RNF115: variants seen among roughly 807,000 people sequenced by gnomAD.
RNF115 encodes the protein E3 ubiquitin-protein ligase RNF115.
RNF115 carries 31 observed loss-of-function variants against 39.2 expected under a neutral mutation model. That is an observed-to-expected ratio of 0.79 (90% confidence interval 0.59 to 1.07). RNF115 has a LOEUF of 1.07. Ranked by LOEUF, RNF115 falls within the 50% of genes least tolerant of loss-of-function variation. RNF115 has a pLI of 0.00. For synonymous variants in RNF115, 124 were observed against 131.0 expected (o/e 0.95, Z 0.37); for missense variants, 384 against 381.7 (o/e 1.01, Z -0.05).
At chr1:145,819,595 C>G (rs1245716559) in intron 1 of RNF115, among the ~76,000 whole-genome samples, 1 of 152,210 alleles carries the variant, frequency 6.6e-6, no homozygotes, top group Non-Finnish European at 1.5e-5. Flanking sequence ...GGACTCTTCC[C>G]TAACCCATTC....
chr1:145,756,267 C>T (rs773977383), intron 4 of RNF115, among the ~76,000 whole-genome samples: 1 of 152,062 alleles, frequency 6.6e-6, no homozygotes, highest in African/African-American at 2.4e-5. Flanking sequence ...TTGAGACCAG[C>T]CTGGCCAACA....
intron 3 of RNF115, among the ~76,000 whole-genome samples, chr1:145,782,151 T>C (rs1176767700): frequency 6.6e-6 from 1 of 152,056 alleles, no homozygotes; most frequent in Non-Finnish European, 1.5e-5. Flanking sequence ...GTGATCCACC[T>C]GCCTCGGCCT....
intron 1 of RNF115, among the ~76,000 whole-genome samples, chr1:145,816,045 G>T: frequency 9.3e-6 from 1 of 107,186 alleles, no homozygotes; most frequent in Non-Finnish European, 1.9e-5. Context: ...CTTTCCAAAT[G>T]AACCTTTTGT....
In RNF115 at chr1:145,751,639, G is replaced by C. The variant is rs781845806; in HGVS notation, c.501-129C>G. 3.6e-5 allele frequency: 20 copies of C among 549,136 alleles called. No individual in the cohort carries two copies. The East Asian group carries it at 6.2e-4, about 17-fold the overall frequency. 34.0% of individuals were successfully genotyped at this position (549,136 alleles called of 1,614,324 possible). A position where few individuals can be genotyped will look rare whatever the true frequency, so the allele number is the denominator to read the frequency against. On this transcript the variant is annotated intron_variant, in intron 5 of 8. Coordinates refer to ENST00000582693, the MANE Select transcript of RNF115 (RefSeq NM_014455.4). ...AAAGTCACTAGTCCTCCAGGATCAA[G>C]AGGCAAAGAATTCTGTACATTTTCA...
chr1:145,807,464 A>C (rs1649511407), intron 1 of RNF115, among the ~76,000 whole-genome samples: 1 of 152,236 alleles, frequency 6.6e-6, no homozygotes, highest in African/African-American at 2.4e-5. Flanking sequence ...AGAGAATAAT[A>C]AACCAACAAT....
At chr1:145,751,090 T>C (rs1397121395) in intron 6 of RNF115, among the ~76,000 whole-genome samples, 3 of 152,252 alleles carry the variant, frequency 2.0e-5, no homozygotes, top group African/African-American at 7.2e-5. Flanking sequence ...CAGAAATCCC[T>C]GCTTCAACAT....
intron 2 of RNF115, 127 bp from the exon 3 acceptor site, chr1:145,784,723 C>T: frequency 1.5e-6 from 1 of 686,698 alleles, no homozygotes; most frequent in Middle Eastern, 2.5e-4. Context: ...CAACACAACA[C>T]CTATTAAAGG....
intron 1 of RNF115, among the ~76,000 whole-genome samples, chr1:145,791,301 C>T (rs1648655024): frequency 6.7e-6 from 1 of 149,784 alleles, no homozygotes; most frequent in Admixed American, 6.7e-5. Flanking sequence ...CACCTGAGGT[C>T]GGGAATTCGA....
chr1:145,809,519 A>T, intron 1 of RNF115, among the ~76,000 whole-genome samples: 1 of 37,238 alleles, frequency 2.7e-5, no homozygotes, highest in East Asian at 1.3e-3. Context: ...TGGAGACAAG[A>T]CTTTCACTCT....
intron 1 of RNF115, among the ~76,000 whole-genome samples, chr1:145,808,621 A>G (rs781954488): frequency 2.0e-5 from 3 of 152,210 alleles, no homozygotes; most frequent in Non-Finnish European, 2.9e-5. Context: ...TTTGCCTTTT[A>G]CATGTTATTA....
chr1:145,747,987 G>A lies in RNF115; in HGVS notation c.783+8C>T. 5 of 1,581,364 alleles carry A rather than the reference G, an allele frequency of 3.2e-6. No individual in the cohort carries two copies. The highest frequency in any genetic ancestry group is 4.3e-6 in the Non-Finnish European group (5 of 1,150,330). On this transcript the variant is annotated splice_region_variant and intron_variant, in intron 8 of 8. Transcript: ENST00000582693. The stretch of plus-strand genomic sequence containing the variant: ...TCCCCCAAAGAAGCCATGACTTGCT[G>A]TACTCACCAGTTCTAGCCACGGCAC...
chr1:145,802,618 T>C (rs1553721040), intron 1 of RNF115, among the ~76,000 whole-genome samples: 1 of 152,210 alleles, frequency 6.6e-6, no homozygotes, highest in Non-Finnish European at 1.5e-5. Context: ...TACCTCTTCG[T>C]TATCAACTTA....
intron 5 of RNF115, 100 bp from the exon 6 acceptor site, chr1:145,751,610 C>G (rs1571706558): frequency 4.4e-6 from 3 of 684,986 alleles, no homozygotes; most frequent in East Asian, 3.0e-5. Context: ...TCTCTCAGAG[C>G]TGGAAAGTCA....
intron 3 of RNF115, among the ~76,000 whole-genome samples, chr1:145,775,833 TA>T (rs1272153468): frequency 6.6e-6 from 1 of 151,578 alleles, no homozygotes; most frequent in Non-Finnish European, 1.5e-5. Context: ...TTGTCTCTAC[TA>T]AAAAAATTAA....
chr1:145,764,955 C>T (rs1658709850), intron 4 of RNF115, among the ~76,000 whole-genome samples: 1 of 152,288 alleles, frequency 6.6e-6, no homozygotes, highest in Non-Finnish European at 1.5e-5. Flanking sequence ...GCCATGATGA[C>T]GATGGCGGTT....
intron 4 of RNF115, among the ~76,000 whole-genome samples, chr1:145,756,408 C>T (rs150052663): frequency 6.6e-6 from 1 of 151,506 alleles, no homozygotes; most frequent in Non-Finnish European, 1.5e-5. Flanking sequence ...TGCACTGAGC[C>T]GAGATTGCAC....
chr1:145,776,045 T>C (rs116214814), intron 3 of RNF115, among the ~76,000 whole-genome samples: 1,499 of 147,870 alleles, frequency 0.01, 30 homozygotes, highest in African/African-American at 0.036. Flanking sequence ...AATATCTTAT[T>C]GTACTATACT....
At chr1:145,767,356 G>A (rs1417212637) in intron 4 of RNF115, among the ~76,000 whole-genome samples, 1 of 151,564 alleles carries the variant, frequency 6.6e-6, no homozygotes, top group Non-Finnish European at 1.5e-5. Context: ...GGGCAGAGAC[G>A]CTCCTCACAT....
At chr1:145,777,144 C>G (rs946246348) in intron 3 of RNF115, among the ~76,000 whole-genome samples, 2 of 152,188 alleles carry the variant, frequency 1.3e-5, no homozygotes, top group African/African-American at 4.8e-5. Flanking sequence ...TATAAGAAAT[C>G]TATGATTCCC....
Sources: gnomAD v4.1 joint callset for allele counts (sites outside exome capture counted in the v4.1 genomes callset) on GRCh38, gnomAD v4.1.1 for gene constraint, MANE v1.5 for transcripts, NCBI Gene and HGNC (gene_info 2026-07-23, HGNC 2026-07-21) for gene names.